The following CACNG7 variants were observed in gnomAD, a reference collection of about 807,000 sequenced individuals.
CACNG7 encodes the protein voltage-dependent calcium channel gamma-7 subunit.
CACNG7 carries 9 observed loss-of-function variants against 26.3 expected under a neutral mutation model. The observed-to-expected ratio is 0.34, with a 90% CI of 0.21 to 0.60. The LOEUF (loss-of-function observed/expected upper bound fraction) is 0.60. Among genes scored for constraint, CACNG7 ranks in the 20% least tolerant of loss-of-function variants. The probability of loss-of-function intolerance (pLI) is 0.81; values close to 1 mark genes in which losing one functional copy is unlikely to be tolerated. For missense variants in CACNG7, 297 were observed against 380.4 expected, an observed-to-expected ratio of 0.78 and a Z score of 1.82; for synonymous variants, 170 against 157.0, an observed-to-expected ratio of 1.08 and a Z score of -0.62.
chr19:53,918,834 T>C (rs1452342533), intron 4 of CACNG7, among the ~76,000 whole-genome samples: 1 of 152,160 alleles, frequency 6.6e-6, no homozygotes, highest in Non-Finnish European at 1.5e-5. Context: ...AATGGCGCGA[T>C]CTCGGCTCAC....
At chr19:53,917,924 C>T (rs962315934) in intron 4 of CACNG7, among the ~76,000 whole-genome samples, 2 of 152,228 alleles carry the variant, frequency 1.3e-5, no homozygotes, top group Admixed American at 1.3e-4. Context: ...CAGGAACTGA[C>T]TGCCCAAGGT....
intron 4 of CACNG7, among the ~76,000 whole-genome samples, chr19:53,921,479 G>A (rs2068951331): frequency 6.6e-6 from 1 of 150,530 alleles, no homozygotes; most frequent in Admixed American, 6.6e-5. Context: ...TTGTCCCCAG[G>A]CCTGGTCATT....
At position 53,912,955 on chromosome 19, in the gene CACNG7, C is replaced by T. The variant is rs546530087; in HGVS notation, c.124C>T (p.Leu42=). The T allele has an allele frequency of 1.9e-6, 3 of 1,613,966 alleles. No individual in the cohort carries two copies. Among genetic ancestry groups the T allele is most frequent in the South Asian group, 2.2e-5 (2 of 91,064 alleles). Residue 42 remains leucine, a synonymous_variant, in exon 2 of 6, where the codon CTA becomes TTA. Coordinates refer to ENST00000391767, the MANE Select transcript of CACNG7 (RefSeq NM_031896.5). This position sits in a 1 kb window ranked among gnomAD's most constrained non-coding sequence, Gnocchi z 4.6. ...YWLYMEEGTV[L]PQNQTTEVKM... is the part of the protein sequence containing the mutation. ...GCTGTACATGGAAGAAGGCACAGTG[C>T]TACCGCAGAACCAGACCACCGAGGT...
intron 1 of CACNG7, among the ~76,000 whole-genome samples, chr19:53,911,126 G>T (rs1364122186): frequency 6.6e-6 from 1 of 151,722 alleles, no homozygotes; most frequent in Non-Finnish European, 1.5e-5. Flanking sequence ...AAGTGCAATG[G>T]TGCTATCTCG....
At chr19:53,924,008 T>G (rs1485164857) in intron 4 of CACNG7, among the ~76,000 whole-genome samples, 1 of 114,118 alleles carries the variant, frequency 8.8e-6, no homozygotes, top group Non-Finnish European at 1.8e-5. Context: ...GGTGGAGTTG[T>G]CCCCAGGCCT....
At chr19:53,915,102 C>T (rs577084247) in intron 3 of CACNG7, among the ~76,000 whole-genome samples, 70 of 151,578 alleles carry the variant, frequency 4.6e-4, no homozygotes, top group Admixed American at 2.6e-3. Flanking sequence ...GGGTGAGGTC[C>T]GGTTGGTGAG....
intron 4 of CACNG7, among the ~76,000 whole-genome samples, chr19:53,936,496 T>C (rs1204407743): frequency 6.6e-6 from 1 of 152,242 alleles, no homozygotes; most frequent in East Asian, 1.9e-4. Context: ...TCTAACTCTA[T>C]TATTCCACCT....
chr19:53,910,773 A>C (rs1201150975), intron 1 of CACNG7, among the ~76,000 whole-genome samples: 1 of 152,220 alleles, frequency 6.6e-6, no homozygotes, highest in East Asian at 1.9e-4. Context: ...GGAATTGGGG[A>C]GGCCACAGAG....
intron 4 of CACNG7, among the ~76,000 whole-genome samples, chr19:53,923,760 G>C (rs1351070004): frequency 7.7e-6 from 1 of 129,178 alleles, no homozygotes; most frequent in Non-Finnish European, 1.6e-5. Context: ...CATTGGTGGA[G>C]TTGCCCCAGG....
rs1229266540 is a variant in CACNG7, at chr19:53,913,036, C to T, written c.196+9C>T. On this transcript the variant is annotated intron_variant, in intron 2 of 5. Coordinates refer to ENST00000391767, the MANE Select transcript of CACNG7 (RefSeq NM_031896.5). The stretch of plus-strand genomic sequence containing the variant: ...AGTCTGCTTCTTTGCAGGTACAGCC[C>T]TCACCCGTCTTCCACTCAACAGTTT... The T allele has an allele frequency of 6.2e-7, 1 of 1,603,178 alleles. No homozygotes were observed. The highest frequency in any genetic ancestry group is 8.5e-7 in the Non-Finnish European group (1 of 1,171,742).
intron 4 of CACNG7, among the ~76,000 whole-genome samples, chr19:53,936,086 T>C (rs954803854): frequency 6.6e-6 from 1 of 152,138 alleles, no homozygotes; most frequent in African/African-American, 2.4e-5. Context: ...CCTTTCATTT[T>C]TTATGGAGCT....
At chr19:53,929,652 T>C (rs2069058240) in intron 4 of CACNG7, among the ~76,000 whole-genome samples, 1 of 152,106 alleles carries the variant, frequency 6.6e-6, no homozygotes, top group Non-Finnish European at 1.5e-5. Flanking sequence ...ACAGAGGGTT[T>C]CACCATGTTG....
At chr19:53,923,465 G>C (rs1290201580) in intron 4 of CACNG7, among the ~76,000 whole-genome samples, 2 of 130,672 alleles carry the variant, frequency 1.5e-5, no homozygotes. Context: ...CATTGGTGGA[G>C]TTGTCCCAGG....
At position 53,919,602 on chromosome 19, in the gene CACNG7, T is replaced by C. The variant is rs532383175; in HGVS notation, c.424+4097T>C. Among the ~76,000 whole-genome samples, 8 of 116,168 alleles carry C rather than the reference T, an allele frequency of 6.9e-5. No homozygotes were observed. In the South Asian group the frequency reaches 2.3e-3, roughly 34 times the overall value. 76.2% of individuals were successfully genotyped at this position (116,168 alleles called of 152,430 possible). ...GGACTTGCCCCAGGCTGGTCATTGGTGGAGTTGCCCCAGGCTGGTCATTGG... is the reference window on the plus strand; with the variant it reads ...GGACTTGCCCCAGGCTGGTCATTGGCGGAGTTGCCCCAGGCTGGTCATTGG... On this transcript the variant is annotated intron_variant, in intron 4 of 5. Transcript: ENST00000391767.
At chr19:53,915,117 G>C (rs1488295912) in intron 3 of CACNG7, among the ~76,000 whole-genome samples, 4 of 151,922 alleles carry the variant, frequency 2.6e-5, no homozygotes, top group African/African-American at 4.8e-5. Context: ...GGTGAGGAGC[G>C]GTCAATCAGA....
At chr19:53,924,484 G>A (rs1419853423) in intron 4 of CACNG7, among the ~76,000 whole-genome samples, 1 of 145,458 alleles carries the variant, frequency 6.9e-6, no homozygotes, top group Non-Finnish European at 1.5e-5. Flanking sequence ...CCGAGGTCTG[G>A]TATTGGTGGA....
intron 4 of CACNG7, among the ~76,000 whole-genome samples, chr19:53,921,301 T>C (rs2068948275): frequency 7.6e-6 from 1 of 130,908 alleles, no homozygotes; most frequent in South Asian, 2.4e-4. Context: ...GTCTGGTCAT[T>C]GGTGGACTTG....
At chr19:53,938,978 C>T (rs374342111) in intron 4 of CACNG7, among the ~76,000 whole-genome samples, 16 of 149,144 alleles carry the variant, frequency 1.1e-4, no homozygotes, top group African/African-American at 3.0e-4. Flanking sequence ...CAAAAAAGGC[C>T]GGGTGTGGTG....
intron 4 of CACNG7, among the ~76,000 whole-genome samples, chr19:53,935,709 G>A (rs1378303491): frequency 1.6e-5 from 2 of 123,280 alleles, no homozygotes; most frequent in African/African-American, 6.2e-5. Context: ...GCGCGATCTC[G>A]GCTCACTGCA....
Sources: gnomAD v4.1 joint callset for allele counts (sites outside exome capture counted in the v4.1 genomes callset) on GRCh38, gnomAD v4.1.1 for gene constraint, Gnocchi (gnomAD v3.1) non-coding constraint, MANE v1.5 for transcripts, NCBI Gene and HGNC (gene_info 2026-07-23, HGNC 2026-07-21) for gene names.